Variants in NEK6 observed in about 807,000 individuals in gnomAD.
NEK6 encodes the protein serine/threonine-protein kinase Nek6.
Under a neutral mutation model 43.5 loss-of-function variants are expected in NEK6, and 27 were observed. The ratio of observed to expected loss-of-function variants is 0.62; its 90% CI spans 0.46 to 0.86. The LOEUF (loss-of-function observed/expected upper bound fraction) is 0.86. NEK6 is among the 40% of genes least tolerant of loss of function. NEK6 has a pLI of 0.00. For synonymous variants in NEK6, 167 were observed against 164.1 expected (o/e 1.02, Z -0.14); for missense variants, 318 against 414.4 (o/e 0.77, Z 2.02).
chr9:124,338,853 T>C (rs1829422376), intron 7 of NEK6, among the ~76,000 whole-genome samples: 1 of 152,044 alleles, frequency 6.6e-6, no homozygotes, highest in African/African-American at 2.4e-5. Flanking sequence ...GCCTCCACAG[T>C]GATGGTTTTT....
At chr9:124,270,281 C>G (rs1831388075) in intron 1 of NEK6, among the ~76,000 whole-genome samples, 1 of 152,176 alleles carries the variant, frequency 6.6e-6, no homozygotes, top group East Asian at 1.9e-4. Context: ...AACGGCCAAC[C>G]CTAGAAGTTC....
intron 1 of NEK6, chr9:124,292,827 C>A: frequency 7.0e-7 from 1 of 1,437,990 alleles, no homozygotes; most frequent in Non-Finnish European, 9.2e-7. Context: ...TCTCTACCCT[C>A]AAGGACATTT....
At chr9:124,261,462 G>A in intron 1 of NEK6, 2 of 985,518 alleles carry the variant, frequency 2.0e-6, no homozygotes, top group Non-Finnish European at 2.4e-6. Context: ...GCACTGCCAG[G>A]CTTGTGTGGA....
intron 7 of NEK6, among the ~76,000 whole-genome samples, chr9:124,331,385 G>A (rs911443595): frequency 2.0e-5 from 3 of 151,870 alleles, no homozygotes; most frequent in Non-Finnish European, 2.9e-5. Flanking sequence ...CCACATCCCT[G>A]TGGTCACCCA....
chr9:124,332,703 G>T (rs1370266409), intron 7 of NEK6, among the ~76,000 whole-genome samples: 1 of 152,194 alleles, frequency 6.6e-6, no homozygotes, highest in East Asian at 1.9e-4. Flanking sequence ...CAAACACCGA[G>T]AGCATTTCAA....
chr9:124,263,997 G>A (rs925816386), intron 1 of NEK6, among the ~76,000 whole-genome samples: 9 of 152,186 alleles, frequency 5.9e-5, no homozygotes, highest in Non-Finnish European at 1.0e-4. Context: ...ACACAGCGTC[G>A]GCCCCGCAGA....
intron 1 of NEK6, among the ~76,000 whole-genome samples, chr9:124,288,650 C>T (rs904271555): frequency 5.3e-5 from 8 of 152,106 alleles, no homozygotes; most frequent in South Asian, 2.1e-4. Context: ...GGTATTTTAC[C>T]TGCATGTAAA....
At position 124,312,627 on chromosome 9, in the gene NEK6, C is replaced by T; in HGVS notation, c.209C>T (p.Thr70Ile). Residue 70 changes from threonine (T) to isoleucine (I), a missense_variant, in exon 3 of 10, where the codon ACA (threonine) becomes ATA (isoleucine). Thr to Ile is a moderately conservative substitution (Grantham distance 89). Around this residue, in one of 2 missense-constraint regions of NEK6, gnomAD observed 239 missense variants for 344.4 expected, o/e 0.69. Coordinates refer to ENST00000320246, the MANE Select transcript of NEK6 (RefSeq NM_014397.6). ...YKATCLLDRK[T>I]VALKKVQIFE... ...GCCACCTGCCTGCTGGACAGGAAGACAGTGGCTCTGAAGAAGGTGCAGGTG... is the reference window on the plus strand; with the variant it reads ...GCCACCTGCCTGCTGGACAGGAAGATAGTGGCTCTGAAGAAGGTGCAGGTG... The T allele has an allele frequency of 6.2e-7, 1 of 1,613,500 alleles. No individual in the cohort carries two copies.
chr9:124,350,125 CGGCTGCTGT>C (rs981282400), intron 9 of NEK6, among the ~76,000 whole-genome samples: 1 of 151,986 alleles, frequency 6.6e-6, no homozygotes, highest in Admixed American at 6.5e-5. Context: ...GCTGCTGCTT[CGGCTGCTGT>C]GGCCTGCGGG....
chr9:124,307,141 A>AAG (rs1833293728), intron 2 of NEK6, among the ~76,000 whole-genome samples: 1 of 151,232 alleles, frequency 6.6e-6, no homozygotes, highest in Non-Finnish European at 1.5e-5. Flanking sequence ...AAAAAAAAAA[A>AAG]GATTCGTCTA....
At chr9:124,277,353 G>A (rs1181421470) in intron 1 of NEK6, among the ~76,000 whole-genome samples, 2 of 152,242 alleles carry the variant, frequency 1.3e-5, no homozygotes, top group Non-Finnish European at 2.9e-5. Flanking sequence ...GGCTGAGGCA[G>A]GAGAATCTCT....
intron 7 of NEK6, among the ~76,000 whole-genome samples, chr9:124,333,610 G>T (rs1160478410): frequency 6.6e-6 from 1 of 152,162 alleles, no homozygotes; most frequent in Non-Finnish European, 1.5e-5. Context: ...CCTTTTGGCA[G>T]CTCCTTTTAG....
chr9:124,346,967 A>G (rs1029313371), intron 8 of NEK6, among the ~76,000 whole-genome samples: 6 of 152,200 alleles, frequency 3.9e-5, no homozygotes, highest in Admixed American at 6.5e-5. Flanking sequence ...GGGTGGGGAC[A>G]TTTTACAAAT....
intron 1 of NEK6, among the ~76,000 whole-genome samples, chr9:124,289,888 A>T (rs1181333300): frequency 6.6e-6 from 1 of 152,198 alleles, no homozygotes; most frequent in East Asian, 1.9e-4. Context: ...GCCCTATGGG[A>T]GTCTGGCCTG....
intron 1 of NEK6, 27 bp from the exon 2 acceptor site, chr9:124,301,909 T>A: frequency 6.5e-7 from 1 of 1,533,230 alleles, no homozygotes; most frequent in East Asian, 2.4e-5. Context: ...AAAGAGAAAG[T>A]GAACAGGCCG....
intron 7 of NEK6, among the ~76,000 whole-genome samples, chr9:124,328,689 G>A (rs1210986758): frequency 2.0e-5 from 3 of 152,242 alleles, no homozygotes; most frequent in Admixed American, 1.3e-4. Flanking sequence ...ACAGTGTCTT[G>A]TGGAAAGTGT....
chr9:124,275,643 C>G lies in NEK6; in HGVS notation c.-30+17558C>G, dbSNP rs1052483947. Among the ~76,000 whole-genome samples the G allele has an allele frequency of 2.0e-5, 3 of 152,240 alleles. No homozygotes were observed. Among genetic ancestry groups the G allele is most frequent in the African/African-American group, 7.2e-5 (3 of 41,470 alleles). ...TTCTGCATCTTCCCCAACATGGCCC[C>G]CCACCCTGTGAGGCCCACTAATGGC... On this transcript the variant is annotated intron_variant, in intron 1 of 9. Transcript: ENST00000320246. The surrounding 1 kb of genome is among the most constrained non-coding windows in gnomAD (Gnocchi z 4.4).
rs1370414242 is a variant in NEK6, at chr9:124,347,807, G to A, written c.816G>A (p.Glu272=). The change falls in exon 9 of 10, where the codon GAG becomes GAA. Residue 272 remains glutamate (E), a synonymous_variant. Coordinates refer to ENST00000320246, the MANE Select transcript of NEK6 (RefSeq NM_014397.6). ...EQCDYPPLPG[E]HYSEKLRELV... ...GTGACTACCCCCCACTCCCCGGGGA[G>A]CACTACTCCGAGAAGGTGAGTTTGC... 6 of 1,610,640 alleles carry A rather than the reference G, an allele frequency of 3.7e-6. No homozygotes were observed. In the African/African-American group the frequency reaches 6.7e-5, roughly 18 times the overall value.
intron 7 of NEK6, among the ~76,000 whole-genome samples, chr9:124,331,760 C>T (rs1188275965): frequency 6.6e-6 from 1 of 152,220 alleles, no homozygotes; most frequent in Non-Finnish European, 1.5e-5. Context: ...CCTTGTGGAA[C>T]ATTTGCTGAG....
Sources: gnomAD v4.1 joint callset for allele counts (sites outside exome capture counted in the v4.1 genomes callset) on GRCh38, gnomAD v4.1.1 for gene constraint, gnomAD v4.1.1 regional missense constraint, Gnocchi (gnomAD v3.1) non-coding constraint, MANE v1.5 for transcripts, NCBI Gene and HGNC (gene_info 2026-07-23, HGNC 2026-07-21) for gene names.